Variants in NRG3 observed in about 807,000 individuals in gnomAD.
NRG3 encodes the protein neuregulin 3, also known as pro-neuregulin-3, membrane-bound isoform.
NRG3 carries 31 observed loss-of-function variants against 66.9 expected under a neutral mutation model. The observed-to-expected ratio is 0.46, with a 90% CI of 0.35 to 0.63. The LOEUF is 0.63. Ranked by LOEUF, NRG3 falls within the 20% of genes least tolerant of loss-of-function variation. The probability of loss-of-function intolerance (pLI) is 0.00; values close to 1 mark genes in which losing one functional copy is unlikely to be tolerated. For synonymous variants in NRG3, 393 were observed against 359.4 expected, an observed-to-expected ratio of 1.09 and a Z score of -1.06; for missense variants, 910 against 878.9, an observed-to-expected ratio of 1.04 and a Z score of -0.45.
chr10:82,744,138 C>T (rs574296647), intron 3 of NRG3, among the ~76,000 whole-genome samples: 15 of 152,258 alleles, frequency 9.9e-5, no homozygotes, highest in African/African-American at 3.6e-4. Flanking sequence ...GTTCAGTGCA[C>T]CACCAAACTA....
intron 2 of NRG3, among the ~76,000 whole-genome samples, chr10:82,581,243 T>C (rs1347186262): frequency 6.6e-6 from 1 of 151,996 alleles, no homozygotes; most frequent in East Asian, 1.9e-4. Context: ...TTTGGAGAGG[T>C]ATTTGTTTAG....
chr10:82,689,017 C>G lies in NRG3; in HGVS notation c.954-49560C>G, dbSNP rs140592619. Reference sequence around the variant, plus strand: ...AAAGCTTTCTTAGTGTTTTCCTTAGCAGAAAAAATGTTTATCATTAGAACT... The same window carrying G: ...AAAGCTTTCTTAGTGTTTTCCTTAGGAGAAAAAATGTTTATCATTAGAACT... On this transcript the variant is annotated intron_variant, in intron 2 of 8. Transcript: ENST00000372141. 3.4e-3 allele frequency among the ~76,000 whole-genome samples: 518 copies of G among 152,138 alleles called. 3 individuals are homozygous for G. The highest frequency in any genetic ancestry group is 0.011 in the African/African-American group (453 of 41,536).
intron 2 of NRG3, among the ~76,000 whole-genome samples, chr10:82,538,780 G>A (rs970652376): frequency 9.2e-5 from 14 of 151,916 alleles, no homozygotes; most frequent in African/African-American, 1.5e-4. Flanking sequence ...TATTACCTTC[G>A]AGGCCAAAAT....
At chr10:82,728,060 G>A (rs1399180459) in intron 2 of NRG3, among the ~76,000 whole-genome samples, 5 of 152,150 alleles carry the variant, frequency 3.3e-5, no homozygotes, top group African/African-American at 1.2e-4. Flanking sequence ...TGCCCCCAGT[G>A]TATCTAGGAA....
rs187013725 is a variant in NRG3, at chr10:82,380,971, G to A, written c.953+22103G>A. On this transcript the variant is annotated intron_variant, in intron 2 of 8. Transcript: ENST00000372141. ...CATCCAGCAATGCTAATACCTACAG[G>A]TAACCACATGGATGAACCACAGAGG... Among the ~76,000 whole-genome samples the A allele has an allele frequency of 1.8e-3, 275 of 152,216 alleles. 4 individuals carry two copies. Among genetic ancestry groups the A allele is most frequent in the African/African-American group, 6.1e-3 (254 of 41,542 alleles).
intron 2 of NRG3, among the ~76,000 whole-genome samples, chr10:82,513,805 A>C (rs1845416349): frequency 6.6e-6 from 1 of 152,102 alleles, no homozygotes; most frequent in African/African-American, 2.4e-5. Context: ...AATAAAATAA[A>C]AATAGTTTTC....
At chr10:82,001,817 C>T (rs891521727) in intron 1 of NRG3, among the ~76,000 whole-genome samples, 12 of 152,102 alleles carry the variant, frequency 7.9e-5, no homozygotes, top group African/African-American at 2.4e-4. Flanking sequence ...CATATAGGAT[C>T]TGCGTTCATG....
chr10:82,282,464 C>T (rs969756973), intron 1 of NRG3, among the ~76,000 whole-genome samples: 6 of 151,924 alleles, frequency 3.9e-5, no homozygotes, highest in African/African-American at 1.5e-4. Flanking sequence ...GCGTAGGACT[C>T]AGGGCAGCAG....
intron 2 of NRG3, among the ~76,000 whole-genome samples, chr10:82,710,405 GT>G (rs2056585501): frequency 6.6e-6 from 1 of 151,900 alleles, no homozygotes; most frequent in Non-Finnish European, 1.5e-5. Context: ...GCCCAACATG[GT>G]AAAACCAAGT....
chr10:82,056,187 A>G (rs998921031), intron 1 of NRG3, among the ~76,000 whole-genome samples: 3 of 152,178 alleles, frequency 2.0e-5, no homozygotes, highest in African/African-American at 4.8e-5. Flanking sequence ...GGTCAGTACA[A>G]TGGCATGAGA....
chr10:82,157,814 GTCTA>G (rs2071295190), intron 1 of NRG3, among the ~76,000 whole-genome samples: 1 of 151,614 alleles, frequency 6.6e-6, no homozygotes, highest in African/African-American at 2.4e-5. Flanking sequence ...TTGATCAAGA[GTCTA>G]TCTTTTAGGA....
chr10:81,890,348 T>A lies in NRG3; in HGVS notation c.823+14185T>A, dbSNP rs529108126. On this transcript the variant is annotated intron_variant, in intron 1 of 8. Transcript: ENST00000372141. ...ACATTTGAAACCCTAAATTAATTTTTAAAAAAAATCTGTTACCAGTGGTAA... is the reference window on the plus strand; with the variant it reads ...ACATTTGAAACCCTAAATTAATTTTAAAAAAAAATCTGTTACCAGTGGTAA... Among the ~76,000 whole-genome samples the A allele has an allele frequency of 2.6e-3, 401 of 152,204 alleles. 2 individuals are homozygous for A. The highest frequency in any genetic ancestry group is 9.0e-3 in the African/African-American group (375 of 41,542).
rs564986999 is a variant in NRG3 at position 82,573,647 on chromosome 10, G to A, written c.954-164930G>A. On this transcript the variant is annotated intron_variant, in intron 2 of 8. Coordinates refer to ENST00000372141, the MANE Select transcript of NRG3 (RefSeq NM_001010848.4). The stretch of plus-strand genomic sequence containing the variant: ...GTGTGCTGTGTAGTGCATAGGAGAT[G>A]TAGAGATTAGAAGTATCCACAGATA... Among the ~76,000 whole-genome samples, 5 of 151,876 alleles carry A rather than the reference G, an allele frequency of 3.3e-5. No homozygotes were observed. The East Asian group carries it at 9.7e-4, about 30-fold the overall frequency.
intron 1 of NRG3, among the ~76,000 whole-genome samples, chr10:82,092,859 G>T (rs1278125566): frequency 1.3e-5 from 2 of 152,184 alleles, no homozygotes; most frequent in African/African-American, 4.8e-5. Flanking sequence ...GGCAGCATCT[G>T]CCTGGACTGC....
At chr10:82,667,033 G>T (rs191495030) in intron 2 of NRG3, among the ~76,000 whole-genome samples, 3 of 152,196 alleles carry the variant, frequency 2.0e-5, no homozygotes, top group Non-Finnish European at 4.4e-5. Flanking sequence ...TAAGTTGAAA[G>T]AAGCAGAGTT....
At chr10:82,846,882 CT>C (rs1413278669) in intron 3 of NRG3, among the ~76,000 whole-genome samples, 6 of 152,252 alleles carry the variant, frequency 3.9e-5, no homozygotes, top group Admixed American at 3.9e-4. Context: ...CGAGATTGTG[CT>C]TGTGCTTTTA....
chr10:82,546,116 G>A (rs1002861022), intron 2 of NRG3, among the ~76,000 whole-genome samples: 17 of 152,082 alleles, frequency 1.1e-4, no homozygotes, highest in Admixed American at 3.3e-4. Context: ...GATTTTGCAT[G>A]GCCACCTTGC....
At chr10:82,836,287 A>G (rs2062771644) in intron 3 of NRG3, among the ~76,000 whole-genome samples, 1 of 152,152 alleles carries the variant, frequency 6.6e-6, no homozygotes, top group African/African-American at 2.4e-5. Context: ...TCATTGGTTT[A>G]CAGAGATGTA....
intron 1 of NRG3, among the ~76,000 whole-genome samples, chr10:82,163,090 C>T (rs994359843): frequency 6.6e-5 from 10 of 152,134 alleles, no homozygotes; most frequent in Admixed American, 5.9e-4. Context: ...AAAGAGGCCA[C>T]TTTGCTCTCC....
Sources: allele counts gnomAD v4.1 joint callset (sites outside exome capture counted in the v4.1 genomes callset), GRCh38; gene constraint gnomAD v4.1.1; transcripts MANE v1.5; gene names NCBI Gene and HGNC (gene_info 2026-07-23, HGNC 2026-07-21).